SCAPER: variants seen among roughly 807,000 people sequenced by gnomAD.
SCAPER encodes the protein S-phase cyclin A associated protein in the ER, also known as S phase cyclin A-associated protein in the endoplasmic reticulum.
A neutral mutation model predicts 182.2 loss-of-function variants in SCAPER; 98 were observed. The ratio of observed to expected loss-of-function variants is 0.54; its 90% CI spans 0.46 to 0.64. The LOEUF (loss-of-function observed/expected upper bound fraction) is 0.64. Ranked by LOEUF, SCAPER falls within the 30% of genes least tolerant of loss-of-function variation. SCAPER has a pLI of 0.00. For synonymous variants in SCAPER, 605 were observed against 564.6 expected, an observed-to-expected ratio of 1.07 and a Z score of -1.01; for missense variants, 1,432 against 1,690.0, an observed-to-expected ratio of 0.85 and a Z score of 2.68.
At chr15:76,828,196 C>G (rs1001324386) in intron 5 of SCAPER, among the ~76,000 whole-genome samples, 3 of 151,134 alleles carry the variant, frequency 2.0e-5, no homozygotes, top group Non-Finnish European at 4.4e-5. Flanking sequence ...AATTTCTTAT[C>G]TTTATAAAGA....
intron 17 of SCAPER, among the ~76,000 whole-genome samples, chr15:76,708,178 T>G (rs931242302): frequency 1.3e-5 from 2 of 152,172 alleles, no homozygotes; most frequent in Admixed American, 6.6e-5. Context: ...ATCCCTAGAT[T>G]ACTTATAATA....
intron 23 of SCAPER, among the ~76,000 whole-genome samples, chr15:76,533,695 T>A (rs981110145): frequency 8.0e-6 from 1 of 125,182 alleles, no homozygotes; most frequent in Non-Finnish European, 1.7e-5. Context: ...TCACTCTTGC[T>A]CAGTAAATAA....
intron 5 of SCAPER, among the ~76,000 whole-genome samples, chr15:76,836,852 C>A (rs2068997507): frequency 6.6e-6 from 1 of 151,862 alleles, no homozygotes; most frequent in Admixed American, 6.6e-5. Context: ...CCAGCCTGGG[C>A]AACAGAGAGA....
chr15:76,697,263 A>G (rs993321033), intron 20 of SCAPER, among the ~76,000 whole-genome samples: 2 of 152,222 alleles, frequency 1.3e-5, no homozygotes, highest in South Asian at 4.1e-4. Flanking sequence ...TTTATATCAC[A>G]TAATTCATAT....
chr15:76,449,142 AAAT>A (rs2048200506), intron 25 of SCAPER, among the ~76,000 whole-genome samples: 1 of 152,224 alleles, frequency 6.6e-6, no homozygotes, highest in Non-Finnish European at 1.5e-5. Flanking sequence ...ATGGTCTTCA[AAAT>A]AATATCATTT....
chr15:76,450,657 G>A (rs958322305), intron 25 of SCAPER, among the ~76,000 whole-genome samples: 5 of 152,162 alleles, frequency 3.3e-5, no homozygotes, highest in Non-Finnish European at 7.3e-5. Context: ...TGGTTCAAAC[G>A]ATTCTCGTGC....
At chr15:76,703,746 T>C (rs2059093980) in intron 18 of SCAPER, among the ~76,000 whole-genome samples, 1 of 152,216 alleles carries the variant, frequency 6.6e-6, no homozygotes, top group African/African-American at 2.4e-5. Flanking sequence ...CCTCTCTTTA[T>C]GTGGAGGTTA....
chr15:76,629,518 CAT>C (rs1437481170), intron 21 of SCAPER, among the ~76,000 whole-genome samples: 2 of 152,118 alleles, frequency 1.3e-5, no homozygotes, highest in Non-Finnish European at 2.9e-5. Context: ...TTGAGATAAT[CAT>C]GTGGTTTTTG....
chr15:76,525,596 A>C (rs1437257307), intron 23 of SCAPER, among the ~76,000 whole-genome samples: 1 of 151,882 alleles, frequency 6.6e-6, no homozygotes, highest in African/African-American at 2.4e-5. Context: ...CTTAGCTCCC[A>C]CTTATCAGTG....
chr15:76,836,538 TC>T (rs1374666100), intron 5 of SCAPER, among the ~76,000 whole-genome samples: 1 of 152,160 alleles, frequency 6.6e-6, no homozygotes, highest in African/African-American at 2.4e-5. Flanking sequence ...CTGGACCACT[TC>T]CTTTCACCAT....
intron 17 of SCAPER, among the ~76,000 whole-genome samples, chr15:76,726,722 G>A (rs2060619511): frequency 6.6e-6 from 1 of 151,904 alleles, no homozygotes; most frequent in African/African-American, 2.4e-5. Flanking sequence ...GAAGACATTA[G>A]GATAAGTCAC....
chr15:76,348,685 T>C lies in SCAPER; in HGVS notation c.4151A>G (p.Gln1384Arg). 3.2e-6 allele frequency: 5 copies of C among 1,558,566 alleles called. No homozygotes were observed. Among genetic ancestry groups the C allele is most frequent in the Non-Finnish European group, 2.6e-6 (3 of 1,149,624 alleles). Residue 1384 changes from glutamine to arginine, a missense_variant, in exon 32 of 32, where the codon CAG (glutamine) becomes CGG (arginine). Around this residue, in one of 5 missense-constraint regions of SCAPER, gnomAD observed 718 missense variants for 799.7 expected, o/e 0.90. Coordinates refer to ENST00000563290, the MANE Select transcript of SCAPER (RefSeq NM_020843.4). ...DYLELANRFPQQAWEEARQFF... is the reference protein window; with the variant it reads ...DYLELANRFPRQAWEEARQFF... Reference sequence around the variant, plus strand: ...CTGTCGAGCTTCTTCCCAGGCCTGCTGAGGAAATCTGTTAGCCAGCTCAAG... The same window carrying C: ...CTGTCGAGCTTCTTCCCAGGCCTGCCGAGGAAATCTGTTAGCCAGCTCAAG...
At chr15:76,521,970 T>G (rs1197919091) in intron 23 of SCAPER, among the ~76,000 whole-genome samples, 1 of 152,156 alleles carries the variant, frequency 6.6e-6, no homozygotes, top group African/African-American at 2.4e-5. Flanking sequence ...AATGCATTAT[T>G]CAGAAATGCA....
intron 1 of SCAPER, among the ~76,000 whole-genome samples, chr15:76,891,555 C>T (rs2074167823): frequency 1.3e-5 from 2 of 152,192 alleles, no homozygotes; most frequent in Non-Finnish European, 2.9e-5. Flanking sequence ...AGTGAACTCC[C>T]ATTAACAATT....
intron 4 of SCAPER, among the ~76,000 whole-genome samples, chr15:76,851,689 C>T (rs2070769806): frequency 6.6e-6 from 1 of 152,090 alleles, no homozygotes; most frequent in South Asian, 2.1e-4. Flanking sequence ...TTGAAAGCAG[C>T]ACAAAATATA....
intron 27 of SCAPER, among the ~76,000 whole-genome samples, chr15:76,386,247 G>T (rs1353054951): frequency 2.0e-5 from 3 of 152,116 alleles, no homozygotes; most frequent in Admixed American, 2.0e-4. Context: ...AATTGTATCT[G>T]CAAGATCCCT....
intron 15 of SCAPER, among the ~76,000 whole-genome samples, chr15:76,742,146 T>G (rs760692983): frequency 7.2e-5 from 11 of 152,022 alleles, no homozygotes; most frequent in Non-Finnish European, 1.0e-4. Context: ...AAAAGTCTTT[T>G]AAACTCAGTG....
intron 29 of SCAPER, among the ~76,000 whole-genome samples, chr15:76,358,235 G>A (rs1405483636): frequency 6.6e-6 from 1 of 152,198 alleles, no homozygotes; most frequent in African/African-American, 2.4e-5. Flanking sequence ...GTACTTCAAG[G>A]CTTCCTTGGA....
At chr15:76,589,394 G>T (rs150108432) in intron 22 of SCAPER, among the ~76,000 whole-genome samples, 1 of 152,098 alleles carries the variant, frequency 6.6e-6, no homozygotes, top group Non-Finnish European at 1.5e-5. Context: ...GGCTTGCTGC[G>T]GCAATGGAGT....
Sources: allele counts gnomAD v4.1 joint callset (sites outside exome capture counted in the v4.1 genomes callset), GRCh38; gene constraint gnomAD v4.1.1; regional missense constraint gnomAD v4.1.1; transcripts MANE v1.5; gene names NCBI Gene and HGNC (gene_info 2026-07-23, HGNC 2026-07-21).